The following PDGFD variants were observed in gnomAD, a reference collection of about 807,000 sequenced individuals.
PDGFD encodes the protein platelet derived growth factor D.
A neutral mutation model predicts 44.7 loss-of-function variants in PDGFD; 30 were observed. The observed-to-expected ratio is 0.67, with a 90% CI of 0.50 to 0.91. PDGFD has a LOEUF of 0.91. Ranked by LOEUF, PDGFD falls within the 40% of genes least tolerant of loss-of-function variation. PDGFD has a pLI of 0.00. For missense variants in PDGFD, 445 were observed against 457.8 expected, an observed-to-expected ratio of 0.97 and a Z score of 0.25; for synonymous variants, 173 against 168.4, an observed-to-expected ratio of 1.03 and a Z score of -0.21.
At chr11:103,984,774 C>G in intron 3 of PDGFD, among the ~76,000 whole-genome samples, 1 of 145,070 alleles carries the variant, frequency 6.9e-6, no homozygotes, top group East Asian at 2.0e-4. Context: ...GTGCTAAAAA[C>G]TAGTTAAATA....
Position 103,927,101 on chromosome 11 carries a change from A to C in PDGFD, c.798T>G (p.Asp266Glu). Residue 266 changes from aspartate (D) to glutamate (E), a missense_variant, in exon 6 of 7, where the codon GAT (aspartate) becomes GAG (glutamate). By Grantham distance (45) the Asp-to-Glu change is conservative. Coordinates refer to ENST00000393158, the MANE Select transcript of PDGFD (RefSeq NM_025208.5). ...TGGGAGTGCAACTGTAACGCTTGGC[A>C]TCATCATTGAGCCTATCCAGGTCAA... ...SKVDLDRLND[D>E]AKRYSCTPRN... 1 of 1,614,176 alleles carries C rather than the reference A, an allele frequency of 6.2e-7. No individual in the cohort carries two copies. Among genetic ancestry groups the C allele is most frequent in the Non-Finnish European group, 8.5e-7 (1 of 1,180,004 alleles).
At chr11:104,079,042 AT>A (rs992176929) in intron 1 of PDGFD, among the ~76,000 whole-genome samples, 1 of 152,280 alleles carries the variant, frequency 6.6e-6, no homozygotes, top group Admixed American at 6.5e-5. Context: ...TTAAATTGTT[AT>A]TTTCACATTA....
At chr11:104,034,864 G>A (rs766331217) in intron 1 of PDGFD, among the ~76,000 whole-genome samples, 7 of 152,016 alleles carry the variant, frequency 4.6e-5, no homozygotes, top group African/African-American at 9.7e-5. Flanking sequence ...GGATGGTCTC[G>A]ATCTCCTGAC....
intron 5 of PDGFD, among the ~76,000 whole-genome samples, chr11:103,935,449 CAG>C (rs1275401630): frequency 6.6e-6 from 1 of 152,030 alleles, no homozygotes; most frequent in African/African-American, 2.4e-5. Context: ...GAGTCATAAA[CAG>C]TGGCAAAAGT....
At chr11:104,079,397 T>C (rs187132765) in intron 1 of PDGFD, among the ~76,000 whole-genome samples, 1 of 152,180 alleles carries the variant, frequency 6.6e-6, no homozygotes, top group African/African-American at 2.4e-5. Context: ...TTCTTTCTTT[T>C]TCTTTTTCGA....
chr11:104,148,958 T>C (rs1457952928), intron 1 of PDGFD, among the ~76,000 whole-genome samples: 1 of 152,206 alleles, frequency 6.6e-6, no homozygotes, highest in African/African-American at 2.4e-5. Flanking sequence ...CCATGGTGTA[T>C]ATGTACCAAA....
chr11:104,112,838 A>G (rs1448050068), intron 1 of PDGFD, among the ~76,000 whole-genome samples: 1 of 152,064 alleles, frequency 6.6e-6, no homozygotes, highest in Non-Finnish European at 1.5e-5. Flanking sequence ...ACATGGACAC[A>G]CATGCAGAAA....
At chr11:104,114,628 A>T (rs1279286519) in intron 1 of PDGFD, among the ~76,000 whole-genome samples, 1 of 151,986 alleles carries the variant, frequency 6.6e-6, no homozygotes, top group Non-Finnish European at 1.5e-5. Flanking sequence ...CTGATGTCCA[A>T]AAATAACTTG....
chr11:104,023,952 C>G (rs1339611750), intron 1 of PDGFD, among the ~76,000 whole-genome samples: 1 of 152,128 alleles, frequency 6.6e-6, no homozygotes, highest in East Asian at 1.9e-4. Flanking sequence ...GGTGGACAAA[C>G]TTGGAACATA....
chr11:103,985,243 CA>C (rs1277716297), intron 3 of PDGFD, among the ~76,000 whole-genome samples: 1 of 147,544 alleles, frequency 6.8e-6, no homozygotes, highest in Non-Finnish European at 1.5e-5. Flanking sequence ...GCCTTATCAC[CA>C]AGGCTGCAGT....
intron 1 of PDGFD, among the ~76,000 whole-genome samples, chr11:104,090,140 CT>C (rs139831979): frequency 1.1e-4 from 16 of 152,024 alleles, no homozygotes; most frequent in South Asian, 6.2e-4. Context: ...TGTATTTTCT[CT>C]TTTTTTTCTC....
intron 1 of PDGFD, among the ~76,000 whole-genome samples, chr11:104,081,980 G>A (rs1861050347): frequency 6.6e-6 from 1 of 151,832 alleles, no homozygotes; most frequent in Non-Finnish European, 1.5e-5. Context: ...TTTAAAGCAG[G>A]AGATTTTTAA....
At chr11:104,020,714 T>C (rs1365590466) in intron 1 of PDGFD, among the ~76,000 whole-genome samples, 1 of 152,156 alleles carries the variant, frequency 6.6e-6, no homozygotes, top group Non-Finnish European at 1.5e-5. Context: ...TTCATATCTA[T>C]CCTAATATTA....
chr11:104,072,362 G>C lies in PDGFD; in HGVS notation c.125-72107C>G, dbSNP rs183864620. Among the ~76,000 whole-genome samples, 579 of 151,738 alleles carry C rather than the reference G, an allele frequency of 3.8e-3. 9 individuals are homozygous for C. The highest frequency in any genetic ancestry group is 3.0e-3 in the Non-Finnish European group (203 of 67,724). ...TTTTATTTTTCTGCTATTACAAATGGAGTGTTTCTGTTATTATACTGTCTA... is the reference window on the plus strand; with the variant it reads ...TTTTATTTTTCTGCTATTACAAATGCAGTGTTTCTGTTATTATACTGTCTA... On this transcript the variant is annotated intron_variant, in intron 1 of 6. Transcript: ENST00000393158.
At chr11:104,014,038 T>C (rs1859823952) in intron 1 of PDGFD, among the ~76,000 whole-genome samples, 1 of 152,170 alleles carries the variant, frequency 6.6e-6, no homozygotes, top group Non-Finnish European at 1.5e-5. Flanking sequence ...TTAAGAAGGA[T>C]TCTGAGCCTG....
chr11:104,014,854 G>A (rs1265522711), intron 1 of PDGFD, among the ~76,000 whole-genome samples: 2 of 152,144 alleles, frequency 1.3e-5, no homozygotes, highest in Non-Finnish European at 2.9e-5. Context: ...AAAGAAATTT[G>A]AAGTTATATT....
intron 3 of PDGFD, among the ~76,000 whole-genome samples, chr11:103,987,319 C>T (rs540592771): frequency 6.6e-6 from 1 of 152,230 alleles, no homozygotes; most frequent in East Asian, 1.9e-4. Flanking sequence ...TGGGTTGCTG[C>T]TTCTAGGATC....
intron 3 of PDGFD, among the ~76,000 whole-genome samples, chr11:103,986,463 C>T (rs573125372): frequency 6.6e-6 from 1 of 152,290 alleles, no homozygotes; most frequent in African/African-American, 2.4e-5. Flanking sequence ...GGGAACTCTT[C>T]TTTCCATATT....
At chr11:103,932,661 C>T (rs1369934664) in intron 5 of PDGFD, among the ~76,000 whole-genome samples, 1 of 152,164 alleles carries the variant, frequency 6.6e-6, no homozygotes, top group African/African-American at 2.4e-5. Flanking sequence ...TTGACTTCAA[C>T]GATTAGGAGC....
Sources: gnomAD v4.1 joint callset for allele counts (sites outside exome capture counted in the v4.1 genomes callset) on GRCh38, gnomAD v4.1.1 for gene constraint, MANE v1.5 for transcripts, NCBI Gene and HGNC (gene_info 2026-07-23, HGNC 2026-07-21) for gene names.